The following NUP43 variants were observed in gnomAD, a reference collection of about 807,000 sequenced individuals.
NUP43 encodes nucleoporin Nup43.
Under a neutral mutation model 47.3 loss-of-function variants are expected in NUP43, and 32 were observed. The observed-to-expected ratio is 0.68, with a 90% confidence interval of 0.51 to 0.91. NUP43 has a LOEUF of 0.91. NUP43 is among the 40% of genes least tolerant of loss of function. The pLI, the probability that NUP43 is intolerant of heterozygous loss-of-function variation, is 0.00. For missense variants in NUP43, 444 were observed against 453.9 expected (o/e 0.98, Z 0.20); for synonymous variants, 147 against 158.4 (o/e 0.93, Z 0.54).
rs373011296 is a variant in NUP43, at chr6:149,746,445, G to A, written c.51C>T (p.Arg17=). The change falls in exon 1 of 8, where the codon CGC becomes CGT. Residue 17 remains arginine, a synonymous_variant. Transcript: ENST00000340413. The part of the protein sequence containing the change: ...KFVSQKISKT[R]WRPLPPGSLQ... ...AACTTCCCGGAGGCAGCGGTCGCCA[G>A]CGGGTTTTGCTGATTTTCTGGGACA... The A allele has an allele frequency of 6.2e-7, 1 of 1,614,208 alleles. No homozygotes were observed. Among genetic ancestry groups the A allele is most frequent in the African/African-American group, 1.3e-5 (1 of 75,048 alleles).
chr6:149,734,630 C>G (rs1582966565), intron 6 of NUP43, among the ~76,000 whole-genome samples: 1 of 151,454 alleles, frequency 6.6e-6, no homozygotes, highest in Non-Finnish European at 1.5e-5. Flanking sequence ...AAACCCCATT[C>G]CTACTAAAAA....
chr6:149,739,432 A>C (rs1345892198), intron 4 of NUP43, among the ~76,000 whole-genome samples: 1 of 151,796 alleles, frequency 6.6e-6, no homozygotes, highest in Non-Finnish European at 1.5e-5. Flanking sequence ...GATTACAGGT[A>C]CATGCCACCA....
intron 7 of NUP43, chr6:149,728,323 T>C: frequency 1.0e-6 from 1 of 985,320 alleles, no homozygotes. Flanking sequence ...AAAGTAAACT[T>C]GCAAGTTCAA....
intron 2 of NUP43, among the ~76,000 whole-genome samples, chr6:149,744,084 C>T (rs193044300): frequency 5.3e-5 from 8 of 151,976 alleles, no homozygotes; most frequent in South Asian, 2.1e-4. Flanking sequence ...GACCAGCCTG[C>T]GCAAGATGGC....
chr6:149,727,025 G>T lies in NUP43; in HGVS notation c.1087C>A (p.Leu363Ile), dbSNP rs1285374202. 1 of 1,613,962 alleles carries T rather than the reference G, an allele frequency of 6.2e-7. No homozygotes were observed. The highest frequency in any genetic ancestry group is 8.5e-7 in the Non-Finnish European group (1 of 1,179,972). ...GCTTCTGCATCGGTTCCACAAACAA[G>T]ACAAGGACCTAAAACATCCAAAGTG... ...VNTLDVLGPC[L>I]VCGTDAEAIY... is the part of the protein sequence containing the mutation. Residue 363 changes from leucine to isoleucine, a missense_variant, in exon 8 of 8, where the codon CTT becomes ATT. Transcript: ENST00000340413.
chr6:149,740,651 C>G (rs1785601194), intron 4 of NUP43, among the ~76,000 whole-genome samples: 1 of 151,950 alleles, frequency 6.6e-6, no homozygotes, highest in African/African-American at 2.4e-5. Context: ...ACAAAACACA[C>G]ACATACAAAA....
At chr6:149,727,528 GAAA>G in intron 7 of NUP43, 1 of 982,046 alleles carries the variant, frequency 1.0e-6, no homozygotes, top group Non-Finnish European at 1.2e-6. Context: ...AATAAGGAAA[GAAA>G]AAAAAGAAAC....
chr6:149,747,480 A>C (rs1582990869), upstream of NUP43, among the ~76,000 whole-genome samples: 1 of 128,174 alleles, frequency 7.8e-6, no homozygotes, highest in East Asian at 2.2e-4. Context: ...GAGAGACGGG[A>C]TTTCACCATA....
intron 5 of NUP43, among the ~76,000 whole-genome samples, chr6:149,736,868 T>C (rs1346809701): frequency 6.6e-6 from 1 of 152,158 alleles, no homozygotes; most frequent in African/African-American, 2.4e-5. Context: ...TTTTGTATTT[T>C]TGTAGAGATG....
chr6:149,746,533 C>A (rs200324063), upstream of NUP43: 346 of 1,614,044 alleles, frequency 2.1e-4, 3 homozygotes, highest in South Asian at 3.6e-3. Context: ...AAAAAGCAAG[C>A]ACAGTACGCG....
At chr6:149,746,708 A>G (rs1178357358), upstream of NUP43, 2 of 1,508,178 alleles carry the variant, frequency 1.3e-6, no homozygotes, top group Non-Finnish European at 1.8e-6. Flanking sequence ...CAAAGGCAAG[A>G]GCGCTTTGGC....
Position 149,726,745 on chromosome 6 carries a change from C to T in NUP43, c.*224G>A, listed in dbSNP as rs1335955137. ...TCAGCACCAGAATCCCACTGATTTT[C>T]TTCCACATGTTCACAATCTTTTGCC... is the stretch of plus-strand genomic sequence containing the variant. On this transcript the variant is annotated 3_prime_UTR_variant, in exon 8 of 8. Coordinates refer to ENST00000340413, the MANE Select transcript of NUP43 (RefSeq NM_198887.3). 7.4e-6 allele frequency: 4 copies of T among 541,726 alleles called. No individual in the cohort carries two copies. The highest frequency in any genetic ancestry group is 1.3e-5 in the Non-Finnish European group (4 of 301,812). The allele number at this position is 541,726 out of a possible 1,614,324, so 33.6% of individuals were successfully genotyped here.
In NUP43 at chr6:149,726,894, T is replaced by C; in HGVS notation, c.*75A>G. 8.8e-7 allele frequency: 1 copy of C among 1,131,340 alleles called. No homozygotes were observed. Among genetic ancestry groups the C allele is most frequent in the Non-Finnish European group, 1.3e-6 (1 of 766,758 alleles). 70.1% of individuals were successfully genotyped at this position (1,131,340 alleles called of 1,614,324 possible). On this transcript the variant is annotated 3_prime_UTR_variant, in exon 8 of 8. Transcript: ENST00000340413. The stretch of plus-strand genomic sequence containing the variant: ...CTGCAAATCTCGTATTTTCTGATAC[T>C]AAAATTTTGCACAGAAGTTGGATTT...
At position 149,727,850 on chromosome 6, in the gene NUP43, A is replaced by G. The variant is rs183027158; in HGVS notation, c.914-652T>C. 28 of 985,198 alleles carry G rather than the reference A, an allele frequency of 2.8e-5. No homozygotes were observed. The African/African-American group carries it at 4.7e-4, about 17-fold the overall frequency. 61.0% of individuals were successfully genotyped at this position (985,198 alleles called of 1,614,324 possible). ...GAGGCAGTATATTTCAATTTTAGTC[A>G]TTATTCGCAACTTACTTTCCTCTCA... On this transcript the variant is annotated intron_variant, in intron 7 of 7. Coordinates refer to ENST00000340413, the MANE Select transcript of NUP43 (RefSeq NM_198887.3).
upstream of NUP43, among the ~76,000 whole-genome samples, chr6:149,748,178 T>G (rs1407406846): frequency 6.6e-6 from 1 of 151,980 alleles, no homozygotes; most frequent in Non-Finnish European, 1.5e-5. Flanking sequence ...TAGCTGGGCA[T>G]GGTGGTGCGT....
At chr6:149,744,307 C>T (rs916733831) in intron 2 of NUP43, among the ~76,000 whole-genome samples, 3 of 151,992 alleles carry the variant, frequency 2.0e-5, no homozygotes, top group African/African-American at 7.2e-5. Context: ...AAGCGGATCA[C>T]GAGGTCAGGA....
upstream of NUP43, chr6:149,746,673 A>G (rs753177199): frequency 1.1e-5 from 17 of 1,549,384 alleles, no homozygotes; most frequent in Non-Finnish European, 1.4e-5. Flanking sequence ...TGAGAGGCCC[A>G]CCCATCTCAC....
At chr6:149,729,485 T>C in intron 7 of NUP43, 1 of 980,322 alleles carries the variant, frequency 1.0e-6, no homozygotes, top group African/African-American at 1.7e-5. Context: ...ACACTGGTGG[T>C]AGTTTCAGCC....
chr6:149,739,671 T>C (rs1180979977), intron 4 of NUP43, among the ~76,000 whole-genome samples: 5 of 151,962 alleles, frequency 3.3e-5, no homozygotes, highest in African/African-American at 7.2e-5. Flanking sequence ...TCTGAGAGAG[T>C]TGTTCAAGCT....
Sources: gnomAD v4.1 joint callset for allele counts (sites outside exome capture counted in the v4.1 genomes callset) on GRCh38, gnomAD v4.1.1 for gene constraint, MANE v1.5 for transcripts, NCBI Gene and HGNC (gene_info 2026-07-23, HGNC 2026-07-21) for gene names.